The following LRRK1 variants were observed in gnomAD, a reference collection of about 807,000 sequenced individuals.
LRRK1 encodes leucine rich repeat kinase 1.
A neutral mutation model predicts 209.1 loss-of-function variants in LRRK1; 113 were observed. The observed-to-expected ratio is 0.54, with a 90% CI of 0.46 to 0.63. The LOEUF (loss-of-function observed/expected upper bound fraction) is 0.63, where lower values mean the gene tolerates loss of function less well. Among genes scored for constraint, LRRK1 ranks in the 30% least tolerant of loss-of-function variants. LRRK1 has a pLI of 0.00. For missense variants in LRRK1, 2,284 were observed against 2,632.2 expected (o/e 0.87, Z 2.89); for synonymous variants, 1,144 against 1,099.7 (o/e 1.04, Z -0.80).
intron 20 of LRRK1, among the ~76,000 whole-genome samples, chr15:101,029,881 C>A (rs373354170): frequency 1.5e-4 from 23 of 151,636 alleles, no homozygotes; most frequent in African/African-American, 3.4e-4. Flanking sequence ...ACAACAACAA[C>A]AAAAAAAGAA....
chr15:100,999,268 T>A (rs1057314884), intron 6 of LRRK1, among the ~76,000 whole-genome samples: 2 of 152,240 alleles, frequency 1.3e-5, no homozygotes, highest in African/African-American at 4.8e-5. Context: ...AAGTACAATG[T>A]TGCTTTTTGT....
intron 27 of LRRK1, 22 bp downstream of exon 27, chr15:101,055,245 C>T (rs781215118): frequency 7.4e-5 from 112 of 1,523,726 alleles, no homozygotes; most frequent in Non-Finnish European, 9.6e-5. Context: ...GATCCCCTGG[C>T]CCAGCCCCAC....
chr15:100,984,690 C>G (rs553395347), intron 4 of LRRK1, among the ~76,000 whole-genome samples: 18 of 152,086 alleles, frequency 1.2e-4, no homozygotes, highest in Admixed American at 1.1e-3. Flanking sequence ...GAATAATATT[C>G]CATTGTATTG....
chr15:101,030,585 C>T lies in LRRK1; in HGVS notation c.2963+1353C>T, dbSNP rs192361561. Among the ~76,000 whole-genome samples the T allele has an allele frequency of 8.5e-5, 13 of 152,208 alleles. No homozygotes were observed. The East Asian group carries it at 1.7e-3, about 20-fold the overall frequency. Reference sequence around the variant, plus strand: ...ATCACCTTCCCCCACGCCCCACCCACGGAACTGTGCTCAGGGAGTGGCACT... The same window carrying T: ...ATCACCTTCCCCCACGCCCCACCCATGGAACTGTGCTCAGGGAGTGGCACT... On this transcript the variant is annotated intron_variant, in intron 20 of 33. Coordinates refer to ENST00000388948, the MANE Select transcript of LRRK1 (RefSeq NM_024652.6).
At chr15:101,000,296 A>G in intron 6 of LRRK1, among the ~76,000 whole-genome samples, 1 of 142,708 alleles carries the variant, frequency 7.0e-6, no homozygotes, top group East Asian at 2.5e-4. Flanking sequence ...TAATCTACTT[A>G]GCAGGAATGC....
At chr15:100,974,216 T>C (rs2031158602) in intron 3 of LRRK1, 3 of 373,314 alleles carry the variant, frequency 8.0e-6, no homozygotes, top group Non-Finnish European at 9.5e-6. Context: ...TGTGGTCACT[T>C]AAATGTAAAG....
At chr15:100,989,154 C>T (rs1048747474) in intron 5 of LRRK1, 96 bp from the exon 6 acceptor site, 4 of 1,086,312 alleles carry the variant, frequency 3.7e-6, no homozygotes, top group East Asian at 2.4e-5. Flanking sequence ...GCACAAGTAC[C>T]TTTTCAGTTT....
At chr15:101,051,025 G>A (rs908085226) in intron 23 of LRRK1, among the ~76,000 whole-genome samples, 4 of 152,162 alleles carry the variant, frequency 2.6e-5, no homozygotes, top group African/African-American at 9.7e-5. Flanking sequence ...GAGACAGATC[G>A]CCTGGAGCCA....
At chr15:100,922,182 C>T (rs1188880837) in intron 1 of LRRK1, among the ~76,000 whole-genome samples, 1 of 152,192 alleles carries the variant, frequency 6.6e-6, no homozygotes, top group African/African-American at 2.4e-5. Context: ...AACTTGTAAT[C>T]ATCACTTGTT....
intron 2 of LRRK1, among the ~76,000 whole-genome samples, chr15:100,950,018 G>A (rs530359381): frequency 1.3e-4 from 20 of 152,292 alleles, no homozygotes; most frequent in African/African-American, 4.1e-4. Flanking sequence ...GTTCTTGCCA[G>A]GGCAAAGACA....
chr15:101,061,268 TC>T lies in LRRK1; in HGVS notation c.4780del (p.Leu1594CysfsTer21). ...KVSCQLQVQR[S>X]LWTATEDQKI... ...GAGCTGCCAGCTCCAGGTCCAGAGA[TC>T]CCTGTGGACAGCCACCGAGGTAAGC... On this transcript the variant is annotated frameshift_variant, in exon 30 of 34. Coordinates refer to ENST00000388948, the MANE Select transcript of LRRK1 (RefSeq NM_024652.6). LOFTEE classifies it high-confidence loss of function. 6.2e-7 allele frequency: 1 copy of T among 1,613,132 alleles called. No homozygotes were observed.
chr15:100,959,840 A>G (rs2042839811), intron 2 of LRRK1, among the ~76,000 whole-genome samples: 1 of 152,292 alleles, frequency 6.6e-6, no homozygotes, highest in East Asian at 1.9e-4. Context: ...CTTCCAATGT[A>G]CAGAGTTCAG....
At chr15:100,937,562 TCTCA>T (rs1195179503) in intron 2 of LRRK1, among the ~76,000 whole-genome samples, 1 of 151,738 alleles carries the variant, frequency 6.6e-6, no homozygotes, top group Non-Finnish European at 1.5e-5. Context: ...TGAGGCGGAG[TCTCA>T]CTCTGTCCCC....
intron 6 of LRRK1, among the ~76,000 whole-genome samples, chr15:100,996,415 G>T (rs754473403): frequency 6.6e-6 from 1 of 152,228 alleles, no homozygotes; most frequent in Non-Finnish European, 1.5e-5. Flanking sequence ...ACAGTCGCTC[G>T]TGTGAACAGA....
chr15:100,959,718 T>A (rs1432965518), intron 2 of LRRK1, among the ~76,000 whole-genome samples: 1 of 152,218 alleles, frequency 6.6e-6, no homozygotes, highest in Non-Finnish European at 1.5e-5. Context: ...TTGTGCAATA[T>A]CTTTTATATG....
chr15:100,973,785 T>A lies in LRRK1; in HGVS notation c.98-19T>A. The A allele has an allele frequency of 7.8e-7, 1 of 1,276,390 alleles. No homozygotes were observed. The highest frequency in any genetic ancestry group is 9.9e-7 in the Non-Finnish European group (1 of 1,009,042). The allele number at this position is 1,276,390 out of a possible 1,614,324, so 79.1% of individuals were successfully genotyped here. On this transcript the variant is annotated intron_variant, in intron 2 of 33. Coordinates refer to ENST00000388948, the MANE Select transcript of LRRK1 (RefSeq NM_024652.6). ...GCAGTGGGCGGTGACGCCGTGTGTG[T>A]GTGCTTCCTCCCGCGCAGGTGCCGG...
intron 2 of LRRK1, among the ~76,000 whole-genome samples, chr15:100,942,863 G>C (rs2042468234): frequency 6.6e-6 from 1 of 152,100 alleles, no homozygotes; most frequent in African/African-American, 2.4e-5. Context: ...GCTCACAGTG[G>C]GCGGGTGGGG....
chr15:101,028,097 A>G (rs2034122914), intron 19 of LRRK1, among the ~76,000 whole-genome samples: 2 of 134,740 alleles, frequency 1.5e-5, no homozygotes, highest in East Asian at 2.1e-4. Context: ...AACAGTTACA[A>G]TCGATTCTCA....
At chr15:101,058,489 A>G (rs1006135520) in intron 29 of LRRK1, among the ~76,000 whole-genome samples, 7 of 152,274 alleles carry the variant, frequency 4.6e-5, no homozygotes, top group African/African-American at 1.7e-4. Context: ...CCTGAACAAC[A>G]TAGCAAGACC....
Sources: gnomAD v4.1 joint callset for allele counts (sites outside exome capture counted in the v4.1 genomes callset) on GRCh38, gnomAD v4.1.1 for gene constraint, MANE v1.5 for transcripts, NCBI Gene and HGNC (gene_info 2026-07-23, HGNC 2026-07-21) for gene names.